Variants in ZFAND2A observed in about 807,000 individuals in gnomAD.
The protein encoded by ZFAND2A is zinc finger AN1-type containing 2A, also known as AN1-type zinc finger protein 2A.
Under a neutral mutation model 11.6 loss-of-function variants are expected in ZFAND2A, and 20 were observed. That is an observed-to-expected ratio of 1.72 (90% CI 1.21 to 2.50). The LOEUF is 2.50. ZFAND2A is among the 30% of genes most tolerant of loss of function. ZFAND2A has a pLI of 0.00. For missense variants in ZFAND2A, 234 were observed against 182.9 expected, an observed-to-expected ratio of 1.28 and a Z score of -1.61; for synonymous variants, 93 against 60.6, an observed-to-expected ratio of 1.54 and a Z score of -2.48.
At chr7:1,151,776 C>CAAAAAA (rs1563158643), downstream of ZFAND2A, among the ~76,000 whole-genome samples, 3 of 52,666 alleles carry the variant, frequency 5.7e-5, no homozygotes, top group Non-Finnish European at 3.8e-5. Flanking sequence ...AAAAAAAAAG[C>CAAAAAA]AAAGCCAGCC....
chr7:1,158,772 A>G (rs539105388), intron 1 of ZFAND2A, among the ~76,000 whole-genome samples: 23 of 152,296 alleles, frequency 1.5e-4, no homozygotes, highest in Non-Finnish European at 2.6e-4. Context: ...GGAGAAGCGC[A>G]AGCTGTTAAG....
downstream of ZFAND2A, among the ~76,000 whole-genome samples, chr7:1,151,406 TAC>T (rs1387289004): frequency 6.6e-6 from 1 of 151,968 alleles, no homozygotes; most frequent in Non-Finnish European, 1.5e-5. Context: ...GTCACATCGT[TAC>T]AGAGGTGACA....
rs886924870 is a variant in ZFAND2A at position 1,160,095 on chromosome 7, G to C, written c.-177C>G. ...ACCTCGACACTGGCACCGAGACGCC[G>C]TCGGAGGCACACCCACACCCACACC... On this transcript the variant is annotated 5_prime_UTR_variant, in exon 1 of 5. Coordinates refer to ENST00000316495, the MANE Select transcript of ZFAND2A (RefSeq NM_182491.4). 2 of 153,084 alleles carry C rather than the reference G, an allele frequency of 1.3e-5. No individual in the cohort carries two copies. Among genetic ancestry groups the C allele is most frequent in the African/African-American group, 4.8e-5 (2 of 41,464 alleles). The allele number at this position is 153,084 out of a possible 1,614,324, so 9.5% of individuals were successfully genotyped here.
downstream of ZFAND2A, chr7:1,152,825 G>C (rs1793425905): frequency 1.2e-5 from 8 of 647,160 alleles, no homozygotes; most frequent in South Asian, 1.1e-4. Context: ...CCAGAACTGT[G>C]AAAGAACCGA....
At chr7:1,156,708 G>A (rs80017601) in intron 3 of ZFAND2A, among the ~76,000 whole-genome samples, 1 of 152,262 alleles carries the variant, frequency 6.6e-6, no homozygotes, top group Non-Finnish European at 1.5e-5. Flanking sequence ...ACGGGTGGCA[G>A]GTGCTCACGG....
At position 1,158,380 on chromosome 7, in the gene ZFAND2A, T is replaced by G. The variant is rs1793583199; in HGVS notation, c.-45-123A>C. 1.4e-5 allele frequency: 9 copies of G among 637,020 alleles called. No individual in the cohort carries two copies. In the South Asian group the frequency reaches 1.8e-4, roughly 13 times the overall value. The allele number at this position is 637,020 out of a possible 1,614,324, so 39.5% of individuals were successfully genotyped here. A position where few individuals can be genotyped will look rare whatever the true frequency, so the allele number is the denominator to read the frequency against. On this transcript the variant is annotated intron_variant, in intron 1 of 4. Transcript: ENST00000316495. ...CTGTGTGGGGAGCATTCCATGGAGT[T>G]TTAGTACAAATACCAGGTGTCCGCC...
At chr7:1,149,356 G>C (rs1208468940), downstream of ZFAND2A, among the ~76,000 whole-genome samples, 2 of 152,194 alleles carry the variant, frequency 1.3e-5, no homozygotes, top group African/African-American at 4.8e-5. Context: ...GAAGTGGCTT[G>C]TCCAAGTGCA....
chr7:1,159,424 T>C (rs1177750574), intron 1 of ZFAND2A, among the ~76,000 whole-genome samples: 1 of 151,810 alleles, frequency 6.6e-6, no homozygotes, highest in Non-Finnish European at 1.5e-5. Context: ...ACGGCCCCGA[T>C]GGCAGGCCCG....
Position 1,153,240 on chromosome 7 carries a change from G to T in ZFAND2A, c.283-16C>A. ...ATGTAAAAATCTAAGAGAGCAAAGT[G>T]ACTTCAACAAGCAATTCTTTTTTTG... On this transcript the variant is annotated splice_polypyrimidine_tract_variant and intron_variant, in intron 4 of 4. Transcript: ENST00000316495. The T allele has an allele frequency of 6.2e-7, 1 of 1,606,314 alleles. No homozygotes were observed. The highest frequency in any genetic ancestry group is 8.5e-7 in the Non-Finnish European group (1 of 1,173,540).
chr7:1,158,159 T>C lies in ZFAND2A; in HGVS notation c.54A>G (p.Leu18=). 6.2e-7 allele frequency: 1 copy of C among 1,614,116 alleles called. No homozygotes were observed. The highest frequency in any genetic ancestry group is 8.5e-7 in the Non-Finnish European group (1 of 1,179,984). The change falls in exon 2 of 5, where the codon CTA becomes CTG. Residue 18 remains leucine (L), a splice_region_variant and synonymous_variant. Coordinates refer to ENST00000316495, the MANE Select transcript of ZFAND2A (RefSeq NM_182491.4). ...KHCSEKTCKQ[L]DFLPVKCDAC... is the part of the protein sequence containing the mutation. ...ATTAAGTCTCTTAAAAGTACTCACC[T>C]AGCTGCTTGCAAGTCTTTTCTGAAC...
Position 1,157,752 on chromosome 7 carries a change from TAAA to T in ZFAND2A, c.56-5_56-3del. 1 of 1,545,660 alleles carries T rather than the reference TAAA, an allele frequency of 6.5e-7. No homozygotes were observed. Among genetic ancestry groups the T allele is most frequent in the Non-Finnish European group, 8.7e-7 (1 of 1,150,584 alleles). On this transcript the variant is annotated splice_polypyrimidine_tract_variant and splice_region_variant and intron_variant, in intron 2 of 4. Transcript: ENST00000316495. ...CATCACATTTTACTGGAAGAAAATC[TAAA>T]AAACAAAAAACAGGGAAGTGTTTTA...
chr7:1,153,371 G>C, intron 4 of ZFAND2A, 147 bp from the exon 5 acceptor site: 1 of 806,236 alleles, frequency 1.2e-6, no homozygotes, highest in Non-Finnish European at 1.9e-6. Context: ...CTTCAGCCTA[G>C]TACCTGGTAC....
At chr7:1,155,413 G>A (rs1793498754) in intron 4 of ZFAND2A, 40 bp downstream of exon 4, 10 of 1,596,010 alleles carry the variant, frequency 6.3e-6, no homozygotes, top group Non-Finnish European at 8.5e-6. Context: ...GAAAAACCAG[G>A]CTTCCCAGAT....
rs1399919343 is a variant in ZFAND2A, at chr7:1,153,123, G to T, written c.384C>A (p.His128Gln). 4 of 1,614,200 alleles carry T rather than the reference G, an allele frequency of 2.5e-6. No homozygotes were observed. The highest frequency in any genetic ancestry group is 3.4e-6 in the Non-Finnish European group (4 of 1,180,046). The change falls in exon 5 of 5, where the codon CAC (histidine) becomes CAA (glutamine). Residue 128 changes from histidine to glutamine, a missense_variant. Coordinates refer to ENST00000316495, the MANE Select transcript of ZFAND2A (RefSeq NM_182491.4). ...CGTGTCTGCAGCTGTGGTCCAAAGG[G>T]TGTCTGTGCTGGATACAGAAGTTGC... The part of the protein sequence containing the change: ...CHGNFCIQHR[H>Q]PLDHSCRHGS...
Position 1,157,686 on chromosome 7 carries a change from A to T in ZFAND2A, c.120T>A (p.Ala40=). 1.3e-6 allele frequency: 2 copies of T among 1,569,532 alleles called. No individual in the cohort carries two copies. The highest frequency in any genetic ancestry group is 1.7e-6 in the Non-Finnish European group (2 of 1,163,274). The stretch of plus-strand genomic sequence containing the variant: ...GGAATGCAAACGGACACTTATGTGC[A>T]GCGTATGGAAAATGATCTTTACAGA... The part of the protein sequence containing the change: ...QDFCKDHFPY[A]AHKCPFAFQK... The change falls in exon 3 of 5, where the codon GCT becomes GCA. Residue 40 remains alanine, a synonymous_variant. Transcript: ENST00000316495.
intron 3 of ZFAND2A, chr7:1,157,204 T>C (rs965247310): frequency 5.2e-5 from 8 of 153,064 alleles, no homozygotes; most frequent in Non-Finnish European, 8.7e-5. Context: ...GTCACCTAAA[T>C]ACTATGTCAA....
chr7:1,154,237 A>G (rs1793468599), intron 4 of ZFAND2A, among the ~76,000 whole-genome samples: 1 of 143,958 alleles, frequency 6.9e-6, no homozygotes, highest in South Asian at 2.2e-4. Context: ...ATAAAGTCCT[A>G]GGAGTCAGAA....
chr7:1,153,729 G>C (rs1793454595), intron 4 of ZFAND2A, among the ~76,000 whole-genome samples: 1 of 152,190 alleles, frequency 6.6e-6, no homozygotes, highest in Non-Finnish European at 1.5e-5. Context: ...TGGATTGCCT[G>C]AGCTCAGGAG....
intron 4 of ZFAND2A, 98 bp downstream of exon 4, chr7:1,155,355 A>G (rs1223197856): frequency 3.3e-6 from 5 of 1,522,150 alleles, no homozygotes; most frequent in Non-Finnish European, 4.4e-6. Context: ...TACTTTGTAC[A>G]TAAACTATTG....
Sources: allele counts gnomAD v4.1 joint callset (sites outside exome capture counted in the v4.1 genomes callset), GRCh38; gene constraint gnomAD v4.1.1; transcripts MANE v1.5; gene names NCBI Gene and HGNC (gene_info 2026-07-23, HGNC 2026-07-21).